TBCD: variants seen among roughly 807,000 people sequenced by gnomAD.
TBCD encodes the protein tubulin-specific chaperone D.
Under a neutral mutation model 169.3 loss-of-function variants are expected in TBCD, and 105 were observed. The observed-to-expected ratio is 0.62, with a 90% CI of 0.53 to 0.73. The LOEUF is 0.73. Among genes scored for constraint, TBCD ranks in the 30% least tolerant of loss-of-function variants. The pLI is 0.00. For synonymous variants in TBCD, 700 were observed against 643.9 expected (o/e 1.09, Z -1.32); for missense variants, 1,444 against 1,600.1 (o/e 0.90, Z 1.66).
chr17:82,935,339 CCT>C (rs992942331), intron 34 of TBCD, among the ~76,000 whole-genome samples: 4 of 152,106 alleles, frequency 2.6e-5, no homozygotes, highest in African/African-American at 9.7e-5. Flanking sequence ...TTTTTGTACG[CCT>C]CTCTTAGAAC....
intron 13 of TBCD, chr17:82,829,420 AC>A (rs899950057): frequency 7.7e-5 from 5 of 65,268 alleles, no homozygotes; most frequent in African/African-American, 2.3e-4. Context: ...ATTGACTGTT[AC>A]GGCAAAATAT....
rs146514578 is a variant in TBCD at position 82,915,795 on chromosome 17, A to G, written c.2038+4006A>G. 2.6e-4 allele frequency among the ~76,000 whole-genome samples: 40 copies of G among 152,252 alleles called. 2 individuals are homozygous for G. The East Asian group carries it at 7.4e-3, about 28-fold the overall frequency. On this transcript the variant is annotated intron_variant, in intron 23 of 38. Coordinates refer to ENST00000355528, the MANE Select transcript of TBCD (RefSeq NM_005993.5). The surrounding 1 kb of genome is among the most constrained non-coding windows in gnomAD (Gnocchi z 4.3). The stretch of plus-strand genomic sequence containing the variant: ...ATGCCGAAGACGGGAGGGAAACCAG[A>G]GGGACTGGTGAGCCTTGAGTCGGCC...
intron 13 of TBCD, among the ~76,000 whole-genome samples, chr17:82,823,849 A>T (rs1461051110): frequency 6.6e-6 from 1 of 152,136 alleles, no homozygotes; most frequent in East Asian, 1.9e-4. Flanking sequence ...CATTAATTAC[A>T]CTCTCACTTT....
At chr17:82,872,298 T>C (rs1797146670) in intron 14 of TBCD, among the ~76,000 whole-genome samples, 1 of 152,222 alleles carries the variant, frequency 6.6e-6, no homozygotes, top group Non-Finnish European at 1.5e-5. Flanking sequence ...GAGTGTGGCT[T>C]ACCTGAGGCC....
chr17:82,858,442 A>T, intron 13 of TBCD: 1 of 354,878 alleles, frequency 2.8e-6, no homozygotes, highest in Non-Finnish European at 3.9e-6. Flanking sequence ...TGCTAGCTCC[A>T]GGCCTATTCG....
intron 33 of TBCD, chr17:82,931,957 G>GGA: frequency 6.5e-6 from 1 of 153,142 alleles, no homozygotes; most frequent in Admixed American, 6.5e-5. Flanking sequence ...TATTCTCTTT[G>GGA]GAGAAGTGTC....
chr17:82,792,520 G>T (rs1226342542), intron 7 of TBCD, among the ~76,000 whole-genome samples: 3 of 152,206 alleles, frequency 2.0e-5, no homozygotes, highest in Non-Finnish European at 4.4e-5. Flanking sequence ...GAAGGATGAT[G>T]CCTGTGAATG....
chr17:82,779,864 G>A (rs367644836), intron 6 of TBCD, among the ~76,000 whole-genome samples: 7 of 152,146 alleles, frequency 4.6e-5, no homozygotes, highest in Admixed American at 4.6e-4. Flanking sequence ...TCTCGTGGGC[G>A]TCGCGTGGGG....
At chr17:82,771,481 TA>T (rs2048311886) in intron 5 of TBCD, among the ~76,000 whole-genome samples, 1 of 151,896 alleles carries the variant, frequency 6.6e-6, no homozygotes, top group South Asian at 2.1e-4. Context: ...TATAGTGGTC[TA>T]ATCTCAACTC....
intron 17 of TBCD, among the ~76,000 whole-genome samples, chr17:82,896,469 T>G (rs1452221133): frequency 6.7e-6 from 1 of 149,160 alleles, no homozygotes; most frequent in Non-Finnish European, 1.5e-5. Flanking sequence ...TTTTTTTTTT[T>G]TTTTTTTTCC....
chr17:82,786,701 C>T (rs1420843893), intron 7 of TBCD, among the ~76,000 whole-genome samples: 2 of 152,090 alleles, frequency 1.3e-5, no homozygotes, highest in African/African-American at 4.8e-5. Context: ...GTTCAGGCTG[C>T]CTTGGAGGGC....
At chr17:82,853,362 T>A (rs2055968501) in intron 13 of TBCD, among the ~76,000 whole-genome samples, 1 of 151,774 alleles carries the variant, frequency 6.6e-6, no homozygotes, top group South Asian at 2.1e-4. Context: ...GGTGCTGGGA[T>A]TACAGGCTTG....
chr17:82,908,837 TGAG>T (rs987928085), intron 21 of TBCD, among the ~76,000 whole-genome samples: 15 of 152,210 alleles, frequency 9.9e-5, no homozygotes, highest in Admixed American at 3.3e-4. Flanking sequence ...TTTAAAGAAT[TGAG>T]GAGAATTTTT....
intron 36 of TBCD, chr17:82,939,125 T>C: frequency 1.7e-6 from 1 of 571,940 alleles, no homozygotes; most frequent in South Asian, 2.2e-5. Flanking sequence ...ACAAGAATGA[T>C]GTCATCTTCA....
chr17:82,926,821 C>A (rs2147256504), intron 28 of TBCD: 1 of 504,958 alleles, frequency 2.0e-6, no homozygotes, highest in East Asian at 3.6e-5. Flanking sequence ...GCACCTGGGG[C>A]CACGCCATAT....
At chr17:82,850,707 T>C (rs1413193632) in intron 13 of TBCD, among the ~76,000 whole-genome samples, 2 of 152,352 alleles carry the variant, frequency 1.3e-5, no homozygotes, top group Non-Finnish European at 1.5e-5. Flanking sequence ...TGGCTGTGCA[T>C]GGACTGGTGA....
chr17:82,829,915 T>C (rs1049542175), intron 13 of TBCD: 64 of 645,000 alleles, frequency 9.9e-5, no homozygotes, highest in Non-Finnish European at 1.4e-4. Context: ...CTTAGAGTCA[T>C]TCAGGTGTTT....
At chr17:82,813,503 C>T (rs528824043) in intron 12 of TBCD, among the ~76,000 whole-genome samples, 6 of 152,258 alleles carry the variant, frequency 3.9e-5, no homozygotes, top group East Asian at 1.9e-4. Flanking sequence ...GCCTCTGAGG[C>T]GAGCCGGATG....
At chr17:82,941,206 A>G (rs1003490967) in intron 37 of TBCD, among the ~76,000 whole-genome samples, 193 bp from the exon 38 acceptor site, 11 of 152,236 alleles carry the variant, frequency 7.2e-5, no homozygotes, top group African/African-American at 2.4e-4. Context: ...GATTCCGGAA[A>G]GGGCTCAGGC....
Sources: gnomAD v4.1 joint callset for allele counts (sites outside exome capture counted in the v4.1 genomes callset) on GRCh38, gnomAD v4.1.1 for gene constraint, Gnocchi (gnomAD v3.1) non-coding constraint, MANE v1.5 for transcripts, NCBI Gene and HGNC (gene_info 2026-07-23, HGNC 2026-07-21) for gene names.